Variants in CCDC39 observed in about 807,000 individuals in gnomAD.
The protein encoded by CCDC39 is coiled-coil domain 39 molecular ruler complex subunit.
A neutral mutation model predicts 121.0 loss-of-function variants in CCDC39; 113 were observed. The observed-to-expected ratio is 0.93, with a 90% CI of 0.80 to 1.09. CCDC39 has a LOEUF of 1.09. CCDC39 is among the 50% of genes least tolerant of loss of function. The pLI is 0.00. For missense variants in CCDC39, 1,063 were observed against 1,074.7 expected (o/e 0.99, Z 0.15); for synonymous variants, 349 against 352.2 (o/e 0.99, Z 0.10).
At chr3:180,659,851 A>G in intron 4 of CCDC39, 82 bp from the exon 5 acceptor site, 1 of 801,376 alleles carries the variant, frequency 1.2e-6, no homozygotes, top group Non-Finnish European at 1.9e-6. Context: ...ATTAAATAGT[A>G]TTACACTATA....
intron 1 of CCDC39, among the ~76,000 whole-genome samples, chr3:180,668,539 C>T (rs1342326083): frequency 6.6e-6 from 1 of 152,036 alleles, no homozygotes; most frequent in African/African-American, 2.4e-5. Context: ...TTAGAGAGGC[C>T]GTCCCTGCCC....
intron 1 of CCDC39, among the ~76,000 whole-genome samples, chr3:180,676,730 T>G (rs896332295): frequency 6.6e-6 from 1 of 152,132 alleles, no homozygotes; most frequent in Admixed American, 6.5e-5. Context: ...AGCAAAGACT[T>G]GGAACCAACC....
Position 180,615,837 on chromosome 3 carries a change from G to T in CCDC39, c.2669+444C>A, listed in dbSNP as rs138159788. Among the ~76,000 whole-genome samples, 1,115 of 152,212 alleles carry T rather than the reference G, an allele frequency of 7.3e-3. 4 individuals are homozygous for T. Among genetic ancestry groups the T allele is most frequent in the Non-Finnish European group, 0.013 (850 of 67,990 alleles). ...GGGGTTTCCTTTTTAGCAAAATAAA[G>T]CTTCATAAAGTCAAATCCTGATTAT... is the stretch of plus-strand genomic sequence containing the variant. On this transcript the variant is annotated intron_variant, in intron 19 of 19. Transcript: ENST00000476379.
chr3:180,661,953 T>G lies in CCDC39; in HGVS notation c.265A>C (p.Ile89Leu). The G allele has an allele frequency of 2.6e-6, 4 of 1,563,480 alleles. No individual in the cohort carries two copies. Among genetic ancestry groups the G allele is most frequent in the Non-Finnish European group, 3.5e-6 (4 of 1,152,298 alleles). Reference sequence around the variant, plus strand: ...ACTCGTCCCAATTCTCTTTGAGCAATGGCCTTAAAATGTTCTTCACTTTCA... The same window carrying G: ...ACTCGTCCCAATTCTCTTTGAGCAAGGGCCTTAAAATGTTCTTCACTTTCA... The part of the protein sequence containing the change: ...ETESEEHFKA[I>L]AQRELGRVKD... Residue 89 changes from isoleucine (I) to leucine (L), a missense_variant, in exon 3 of 20, where the codon ATT becomes CTT. By Grantham distance (5) the Ile-to-Leu change is conservative (BLOSUM62 2). Transcript: ENST00000476379.
At chr3:180,629,908 A>AGTT (rs1167621590) in intron 14 of CCDC39, among the ~76,000 whole-genome samples, 1 of 152,150 alleles carries the variant, frequency 6.6e-6, no homozygotes, top group African/African-American at 2.4e-5. Context: ...TGTTCCTGTG[A>AGTT]GTTAGGTTAA....
intron 4 of CCDC39, 138 bp downstream of exon 4, chr3:180,660,432 A>T: frequency 3.0e-6 from 2 of 668,920 alleles, no homozygotes; most frequent in Admixed American, 3.4e-5. Flanking sequence ...ATTTGGCTTT[A>T]TTAGCTTCTC....
chr3:180,675,052 A>G (rs4854986), intron 1 of CCDC39, among the ~76,000 whole-genome samples: 14,175 of 152,248 alleles, frequency 0.093, 1,119 homozygotes, highest in East Asian at 0.4. Flanking sequence ...TTCAGAAGGA[A>G]TGGTACCAGC....
In CCDC39 at chr3:180,652,223, A is replaced by G. The variant is rs771309522; in HGVS notation, c.974T>C (p.Leu325Ser). ...GGAAATATTTTTCCTCAGAGCTTCT[A>G]AATCACTGGAAGTTCTATTCACAGT... ...KATVNRTSSD[L>S]EALRKNISKI... The change falls in exon 8 of 20, where the codon TTA (leucine) becomes TCA (serine). Residue 325 changes from leucine to serine, a missense_variant. Physicochemically the swap from Leu to Ser is moderately radical, Grantham distance 145. Coordinates refer to ENST00000476379, the MANE Select transcript of CCDC39 (RefSeq NM_181426.2). The G allele has an allele frequency of 2.0e-6, 3 of 1,537,552 alleles. No individual in the cohort carries two copies. Among genetic ancestry groups the G allele is most frequent in the Middle Eastern group, 1.7e-4 (1 of 5,822 alleles).
rs969687553 is a variant in CCDC39 at position 180,651,258 on chromosome 3, G to C, written c.1167+143C>G. ...CTTCAGAAGCAATGCATGAGAAGAG[G>C]TCCAAAACCAGATTATAAATGTGAT... On this transcript the variant is annotated intron_variant, in intron 9 of 19. Coordinates refer to ENST00000476379, the MANE Select transcript of CCDC39 (RefSeq NM_181426.2). The C allele has an allele frequency of 9.4e-6, 6 of 635,590 alleles. No individual in the cohort carries two copies. In the Admixed American group the frequency reaches 2.0e-4, roughly 21 times the overall value. The allele number at this position is 635,590 out of a possible 1,614,324, so 39.4% of individuals were successfully genotyped here. A position where few individuals can be genotyped will look rare whatever the true frequency, so the allele number is the denominator to read the frequency against.
intron 11 of CCDC39, 66 bp downstream of exon 11, chr3:180,647,013 A>G: frequency 6.8e-7 from 1 of 1,469,444 alleles, no homozygotes; most frequent in South Asian, 1.2e-5. Flanking sequence ...TAGTCTTAAG[A>G]ACATGTTGTC....
chr3:180,640,416 C>G (rs1453829752), intron 13 of CCDC39, among the ~76,000 whole-genome samples: 1 of 151,538 alleles, frequency 6.6e-6, no homozygotes. Flanking sequence ...TTTAAAAACC[C>G]TGTATAAAAG....
intron 6 of CCDC39, among the ~76,000 whole-genome samples, chr3:180,655,425 C>G (rs1711557311): frequency 6.7e-6 from 1 of 149,754 alleles, no homozygotes; most frequent in Non-Finnish European, 1.5e-5. Flanking sequence ...ATAGAATACA[C>G]AAAACACTGT....
chr3:180,647,906 G>A (rs1219226716), intron 10 of CCDC39, among the ~76,000 whole-genome samples: 1 of 151,984 alleles, frequency 6.6e-6, no homozygotes, highest in Non-Finnish European at 1.5e-5. Context: ...GGATGCAAAT[G>A]TCTCAGGTTC....
chr3:180,661,398 T>G (rs906901098), intron 3 of CCDC39, among the ~76,000 whole-genome samples: 4 of 152,002 alleles, frequency 2.6e-5, no homozygotes, highest in Non-Finnish European at 5.9e-5. Context: ...GAATCAGAAT[T>G]TGGAAAGAGC....
At chr3:180,656,248 G>A (rs898294885) in intron 6 of CCDC39, among the ~76,000 whole-genome samples, 2 of 152,234 alleles carry the variant, frequency 1.3e-5, no homozygotes, top group Middle Eastern at 3.4e-3. Context: ...TTAATCAGAT[G>A]CTTTAATTCT....
At chr3:180,630,355 C>T (rs1717664637) in intron 14 of CCDC39, among the ~76,000 whole-genome samples, 1 of 152,094 alleles carries the variant, frequency 6.6e-6, no homozygotes, top group Non-Finnish European at 1.5e-5. Flanking sequence ...AGAGCTGGGA[C>T]TGATTTCTCA....
rs751898902 is a variant in CCDC39, at chr3:180,644,228, A to G, written c.1557T>C (p.His519=). ...HNDLYFIKKA[H]SKNSDEKQSL... Reference sequence around the variant, plus strand: ...ACTGTTTTTCATCACTGTTTTTACTATGTGCCTTCTTGATAAAATAAAGAT... The same window carrying G: ...ACTGTTTTTCATCACTGTTTTTACTGTGTGCCTTCTTGATAAAATAAAGAT... Residue 519 remains histidine (H), a synonymous_variant, in exon 12 of 20, where the codon CAT becomes CAC. Coordinates refer to ENST00000476379, the MANE Select transcript of CCDC39 (RefSeq NM_181426.2). 7 of 1,534,318 alleles carry G rather than the reference A, an allele frequency of 4.6e-6. No homozygotes were observed. Among genetic ancestry groups the G allele is most frequent in the South Asian group, 1.2e-5 (1 of 80,428 alleles).
rs1247217004 is a variant in CCDC39 at position 180,660,728 on chromosome 3, T to G, written c.358A>C (p.Asn120His). The G allele has an allele frequency of 6.3e-7, 1 of 1,597,250 alleles. No individual in the cohort carries two copies. Among genetic ancestry groups the G allele is most frequent in the East Asian group, 2.2e-5 (1 of 44,622 alleles). ...SILEKKSDKENGIFKATQKLD... is the reference protein window; with the variant it reads ...SILEKKSDKEHGIFKATQKLD... ...TTTTGAGTGGCTTTAAATATGCCATTCTAATTTCCAAAGAGAGAGAGAAAA... is the reference window on the plus strand; with the variant it reads ...TTTTGAGTGGCTTTAAATATGCCATGCTAATTTCCAAAGAGAGAGAGAAAA... The change falls in exon 4 of 20, where the codon AAT becomes CAT. Residue 120 changes from asparagine (N) to histidine (H), a missense_variant and splice_region_variant. Transcript: ENST00000476379.
intron 14 of CCDC39, among the ~76,000 whole-genome samples, chr3:180,622,617 T>C (rs1186909306): frequency 1.3e-5 from 2 of 152,128 alleles, no homozygotes; most frequent in Non-Finnish European, 2.9e-5. Context: ...GGTTTTGTCA[T>C]GAAGGAATGC....
Sources: allele counts gnomAD v4.1 joint callset (sites outside exome capture counted in the v4.1 genomes callset), GRCh38; gene constraint gnomAD v4.1.1; transcripts MANE v1.5; gene names NCBI Gene and HGNC (gene_info 2026-07-23, HGNC 2026-07-21).